Variants in SSH2 observed in about 807,000 individuals in gnomAD.
SSH2 encodes the protein slingshot protein phosphatase 2.
Under a neutral mutation model 135.2 loss-of-function variants are expected in SSH2, and 37 were observed. That is an observed-to-expected ratio of 0.27 (90% confidence interval 0.21 to 0.36). The LOEUF (loss-of-function observed/expected upper bound fraction) is 0.36. SSH2 is among the 10% of genes least tolerant of loss of function. The pLI, the probability that SSH2 is intolerant of heterozygous loss-of-function variation, is 1.00. For missense variants in SSH2, 1,408 were observed against 1,765.3 expected, an observed-to-expected ratio of 0.80 and a Z score of 3.63; for synonymous variants, 628 against 646.2, an observed-to-expected ratio of 0.97 and a Z score of 0.43.
chr17:29,834,091 G>A (rs533108715), intron 2 of SSH2, among the ~76,000 whole-genome samples: 4 of 151,506 alleles, frequency 2.6e-5, no homozygotes, highest in African/African-American at 4.8e-5. Flanking sequence ...CTTGTAACCC[G>A]TTATTTTAAA....
chr17:29,740,408 C>A (rs2040515238), intron 3 of SSH2, among the ~76,000 whole-genome samples: 1 of 151,790 alleles, frequency 6.6e-6, no homozygotes, highest in Non-Finnish European at 1.5e-5. Context: ...GACAAGAAAC[C>A]TCCTTCCTGT....
intron 2 of SSH2, among the ~76,000 whole-genome samples, chr17:29,834,599 G>A (rs1360436034): frequency 6.6e-6 from 1 of 151,876 alleles, no homozygotes; most frequent in Non-Finnish European, 1.5e-5. Context: ...TTATGTACTT[G>A]AATTTAGCAA....
At chr17:29,758,828 A>G (rs1291746736) in intron 3 of SSH2, among the ~76,000 whole-genome samples, 2 of 152,080 alleles carry the variant, frequency 1.3e-5, no homozygotes, top group African/African-American at 4.8e-5. Flanking sequence ...GGCTCACTGC[A>G]GCCTTGAACT....
At chr17:29,839,904 C>G (rs1357125062) in intron 2 of SSH2, among the ~76,000 whole-genome samples, 1 of 152,194 alleles carries the variant, frequency 6.6e-6, no homozygotes. Flanking sequence ...TTAAGCAAGC[C>G]TGGTTCCTCA....
At chr17:29,692,179 AC>A (rs1180644917) in intron 5 of SSH2, among the ~76,000 whole-genome samples, 42 of 147,610 alleles carry the variant, frequency 2.8e-4, no homozygotes, top group Non-Finnish European at 5.3e-4. Context: ...AAAAAAAAAA[AC>A]AAGACTTTCA....
intron 12 of SSH2, 126 bp from the exon 13 acceptor site, chr17:29,650,926 A>T (rs2036557043): frequency 1.3e-6 from 1 of 747,786 alleles, no homozygotes; most frequent in South Asian, 3.0e-5. Context: ...AATAATGAAG[A>T]CAGCTAAAAA....
chr17:29,756,837 A>G (rs1267159073), intron 3 of SSH2, among the ~76,000 whole-genome samples: 1 of 151,532 alleles, frequency 6.6e-6, no homozygotes, highest in Non-Finnish European at 1.5e-5. Flanking sequence ...TTGTATTTTT[A>G]GTAGAGATGG....
chr17:29,759,949 C>T (rs1009299185), intron 3 of SSH2, among the ~76,000 whole-genome samples: 1 of 152,118 alleles, frequency 6.6e-6, no homozygotes, highest in African/African-American at 2.4e-5. Flanking sequence ...CGTTTTTAGA[C>T]GGAAAATGCA....
chr17:29,893,774 G>C (rs1346598099), intron 1 of SSH2, among the ~76,000 whole-genome samples: 2 of 152,052 alleles, frequency 1.3e-5, no homozygotes, highest in Admixed American at 6.6e-5. Flanking sequence ...ATATACTGAG[G>C]TGTATTGTGA....
chr17:29,737,177 A>G (rs918887925), intron 3 of SSH2, among the ~76,000 whole-genome samples: 11 of 151,624 alleles, frequency 7.3e-5, no homozygotes, highest in African/African-American at 2.7e-4. Context: ...TTACATCTAT[A>G]AATGCAGTGG....
Position 29,627,886 on chromosome 17 carries a change from T to C in SSH2, c.*2955A>G, listed in dbSNP as rs2035544202. 1 of 152,034 alleles carries C rather than the reference T, an allele frequency of 6.6e-6. No homozygotes were observed. Among genetic ancestry groups the C allele is most frequent in the South Asian group, 2.1e-4 (1 of 4,816 alleles). 9.4% of individuals were successfully genotyped at this position (152,034 alleles called of 1,614,324 possible). A position where few individuals can be genotyped will look rare whatever the true frequency, so the allele number is the denominator to read the frequency against. ...ATGTACATATGTGTACACATGCACA[T>C]ACACTCCTCCAAAATAAGTGAGAGT... is the stretch of plus-strand genomic sequence containing the variant. On this transcript the variant is annotated 3_prime_UTR_variant, in exon 16 of 16. Transcript: ENST00000540801.
chr17:29,808,253 T>C (rs2042381442), intron 2 of SSH2, among the ~76,000 whole-genome samples: 2 of 152,200 alleles, frequency 1.3e-5, no homozygotes, highest in Non-Finnish European at 2.9e-5. Flanking sequence ...CTCAGCCTTC[T>C]GAGTAACAGG....
intron 2 of SSH2, among the ~76,000 whole-genome samples, chr17:29,802,618 C>CAAAAAAAAAA (rs74267073): frequency 3.5e-5 from 2 of 57,376 alleles, no homozygotes; most frequent in African/African-American, 6.2e-5. Flanking sequence ...ACTGTTTCTA[C>CAAAAAAAAAA]AAAAAAAAAA....
At chr17:29,734,727 G>A (rs2040310374) in intron 3 of SSH2, among the ~76,000 whole-genome samples, 1 of 152,146 alleles carries the variant, frequency 6.6e-6, no homozygotes, top group Non-Finnish European at 1.5e-5. Context: ...AGGTTGTGCT[G>A]AGAAACACAA....
chr17:29,728,610 A>T (rs1262388133), intron 3 of SSH2, among the ~76,000 whole-genome samples: 2 of 152,214 alleles, frequency 1.3e-5, no homozygotes, highest in African/African-American at 2.4e-5. Context: ...AAGCAAAAGG[A>T]ACAAAACCGG....
At chr17:29,872,775 A>C (rs1348453761) in intron 1 of SSH2, among the ~76,000 whole-genome samples, 4 of 151,720 alleles carry the variant, frequency 2.6e-5, no homozygotes, top group African/African-American at 9.7e-5. Context: ...GCAGGTGGAT[A>C]GCTTGAGTCC....
intron 3 of SSH2, among the ~76,000 whole-genome samples, chr17:29,778,464 A>T (rs1024791229): frequency 6.6e-6 from 1 of 151,652 alleles, no homozygotes; most frequent in Admixed American, 6.6e-5. Context: ...ACATGGTAAA[A>T]CCCCATCTCT....
intron 1 of SSH2, among the ~76,000 whole-genome samples, chr17:29,881,809 G>T (rs1178584663): frequency 1.3e-5 from 2 of 152,002 alleles, no homozygotes; most frequent in African/African-American, 4.8e-5. Flanking sequence ...CCACCACTGC[G>T]CCTGGCCCTA....
At chr17:29,810,303 A>G (rs766169426) in intron 2 of SSH2, among the ~76,000 whole-genome samples, 2 of 152,238 alleles carry the variant, frequency 1.3e-5, no homozygotes, top group Non-Finnish European at 2.9e-5. Context: ...GCACAACAGA[A>G]TTCTCATAGA....
Sources: gnomAD v4.1 joint callset for allele counts (sites outside exome capture counted in the v4.1 genomes callset) on GRCh38, gnomAD v4.1.1 for gene constraint, MANE v1.5 for transcripts, NCBI Gene and HGNC (gene_info 2026-07-23, HGNC 2026-07-21) for gene names.